XKR9: variants seen among roughly 807,000 people sequenced by gnomAD.
The protein encoded by XKR9 is XK-related protein 9.
Under a neutral mutation model 32.0 loss-of-function variants are expected in XKR9, and 32 were observed. That is an observed-to-expected ratio of 1.00 (90% CI 0.76 to 1.34). The LOEUF (loss-of-function observed/expected upper bound fraction) is 1.34. Among genes scored for constraint, XKR9 ranks in the 40% most tolerant of loss-of-function variants. The probability of loss-of-function intolerance (pLI) is 0.00; values close to 1 mark genes in which losing one functional copy is unlikely to be tolerated. For missense variants in XKR9, 546 were observed against 429.7 expected, an observed-to-expected ratio of 1.27 and a Z score of -2.39; for synonymous variants, 168 against 143.4, an observed-to-expected ratio of 1.17 and a Z score of -1.22.
the XKR9 span, among the ~76,000 whole-genome samples, chr8:70,983,754 C>T: frequency 1.3e-5 from 2 of 151,068 alleles, no homozygotes; most frequent in African/African-American, 4.9e-5. Context: ...GCAATCTGGC[C>T]TGGGGGACAA....
chr8:70,895,094 G>A, the XKR9 span, among the ~76,000 whole-genome samples: 3 of 152,152 alleles, frequency 2.0e-5, no homozygotes, highest in Non-Finnish European at 4.4e-5. Flanking sequence ...AGCACTGCAG[G>A]GGACCCCATT....
At chr8:70,789,553 A>C (rs1335837902) in intron 3 of XKR9, 1 of 152,066 alleles carries the variant, frequency 6.6e-6, no homozygotes, top group Admixed American at 6.6e-5. Context: ...AGAGATGAGG[A>C]GGTAACTATT....
chr8:70,706,842 A>G (rs533331376), intron 3 of XKR9, 91 bp from the exon 4 acceptor site: 3 of 1,092,912 alleles, frequency 2.7e-6, no homozygotes, highest in East Asian at 2.6e-5. Flanking sequence ...TACTTAAAAC[A>G]CATATTCCTT....
At chr8:70,888,132 A>G in the XKR9 span, among the ~76,000 whole-genome samples, 30 of 152,170 alleles carry the variant, frequency 2.0e-4, no homozygotes, top group South Asian at 3.5e-3. Context: ...CTATAGTGTT[A>G]TAAACACTAG....
chr8:70,889,124 T>G, the XKR9 span, among the ~76,000 whole-genome samples: 1 of 151,938 alleles, frequency 6.6e-6, no homozygotes, highest in African/African-American at 2.4e-5. Flanking sequence ...GTCAATTTCT[T>G]TCATCAGTGT....
chr8:70,754,818 A>T (rs1269427460), intron 2 of XKR9, among the ~76,000 whole-genome samples: 6 of 152,064 alleles, frequency 3.9e-5, no homozygotes, highest in Non-Finnish European at 8.8e-5. Context: ...CCCTAGAAGA[A>T]AACCTAGGCA....
chr8:70,755,194 C>T (rs781112061), intron 2 of XKR9, among the ~76,000 whole-genome samples: 1 of 152,206 alleles, frequency 6.6e-6, no homozygotes, highest in Non-Finnish European at 1.5e-5. Context: ...AAATGCAAAT[C>T]AAAGCCACAA....
At chr8:70,908,212 C>G in the XKR9 span, among the ~76,000 whole-genome samples, 3 of 33,516 alleles carry the variant, frequency 9.0e-5, no homozygotes, top group African/African-American at 2.3e-4. Flanking sequence ...AAACTTTTAC[C>G]TGACTATCAT....
At chr8:70,736,212 C>CA, downstream of XKR9, among the ~76,000 whole-genome samples, 1 of 152,106 alleles carries the variant, frequency 6.6e-6, no homozygotes, top group Non-Finnish European at 1.5e-5. Context: ...CTCTGATGGC[C>CA]AGTGATGGTG....
chr8:70,835,960 AT>A, the XKR9 span, among the ~76,000 whole-genome samples: 1 of 151,996 alleles, frequency 6.6e-6, no homozygotes, highest in African/African-American at 2.4e-5. Context: ...ATTTTGGAAA[AT>A]TTTAAATATA....
chr8:70,904,754 G>A, the XKR9 span, among the ~76,000 whole-genome samples: 2,866 of 152,286 alleles, frequency 0.019, 80 homozygotes, highest in African/African-American at 0.066. Context: ...TGGAGTGGCT[G>A]GTACTGGTTG....
the XKR9 span, among the ~76,000 whole-genome samples, chr8:70,883,355 A>AT: frequency 8.6e-5 from 13 of 151,034 alleles, no homozygotes; most frequent in South Asian, 4.2e-4. Context: ...TATATACCAC[A>AT]TTTTTTTTTA....
At chr8:70,733,607 G>A (rs1185282241) in intron 4 of XKR9, among the ~76,000 whole-genome samples, 189 bp from the exon 5 acceptor site, 1 of 152,026 alleles carries the variant, frequency 6.6e-6, no homozygotes, top group Non-Finnish European at 1.5e-5. Flanking sequence ...CTTGGGTCAA[G>A]CAGTGTATCT....
chr8:71,054,033 T>C, the XKR9 span, among the ~76,000 whole-genome samples: 3 of 152,210 alleles, frequency 2.0e-5, no homozygotes, highest in Admixed American at 6.5e-5. Context: ...TGAACCATCT[T>C]GGACATTCCA....
chr8:70,849,274 C>T, the XKR9 span, among the ~76,000 whole-genome samples: 2 of 152,158 alleles, frequency 1.3e-5, no homozygotes, highest in African/African-American at 4.8e-5. Context: ...TCTCTCAGAC[C>T]ACTGTGCAAA....
chr8:70,817,636 A>T, the XKR9 span, among the ~76,000 whole-genome samples: 1 of 152,264 alleles, frequency 6.6e-6, no homozygotes, highest in East Asian at 1.9e-4. Context: ...TCTAAAATTC[A>T]TATGGGCCCC....
chr8:71,021,055 A>G, the XKR9 span, among the ~76,000 whole-genome samples: 247 of 152,210 alleles, frequency 1.6e-3, 8 homozygotes, highest in Non-Finnish European at 4.1e-4. Context: ...GTGGAAAATA[A>G]GAAGAAGCCA....
the XKR9 span, among the ~76,000 whole-genome samples, chr8:71,052,766 T>A: frequency 1.3e-3 from 193 of 152,312 alleles, no homozygotes; most frequent in African/African-American, 4.5e-3. Context: ...CTGTGAGTGG[T>A]CATCCCGCAG....
At chr8:70,853,353 T>G in the XKR9 span, among the ~76,000 whole-genome samples, 1 of 151,996 alleles carries the variant, frequency 6.6e-6, no homozygotes, top group Non-Finnish European at 1.5e-5. Flanking sequence ...GGTTATCAAA[T>G]TTTCCATGAT....
Sources: gnomAD v4.1 joint callset for allele counts (sites outside exome capture counted in the v4.1 genomes callset) on GRCh38, gnomAD v4.1.1 for gene constraint, MANE v1.5 for transcripts, NCBI Gene and HGNC (gene_info 2026-07-23, HGNC 2026-07-21) for gene names.